The following CDC42BPA variants were observed in gnomAD, a reference collection of about 807,000 sequenced individuals.
The protein encoded by CDC42BPA is serine/threonine-protein kinase MRCK alpha.
CDC42BPA carries 80 observed loss-of-function variants against 223.5 expected under a neutral mutation model. The observed-to-expected ratio is 0.36, with a 90% CI of 0.30 to 0.43. CDC42BPA has a LOEUF of 0.43. Ranked by LOEUF, CDC42BPA falls within the 20% of genes least tolerant of loss-of-function variation. CDC42BPA has a pLI of 1.00. For missense variants in CDC42BPA, 1,743 were observed against 2,099.9 expected, an observed-to-expected ratio of 0.83 and a Z score of 3.32; for synonymous variants, 694 against 718.6, an observed-to-expected ratio of 0.97 and a Z score of 0.55.
chr1:227,212,174 T>G (rs1172514993), intron 3 of CDC42BPA, among the ~76,000 whole-genome samples: 1 of 152,072 alleles, frequency 6.6e-6, no homozygotes, highest in Non-Finnish European at 1.5e-5. Context: ...ACAAAAGTGA[T>G]TATTAGTTTC....
chr1:227,298,855 G>T (rs1293270444), intron 1 of CDC42BPA, among the ~76,000 whole-genome samples: 2 of 152,172 alleles, frequency 1.3e-5, no homozygotes, highest in East Asian at 3.9e-4. Context: ...CCATAAAAAA[G>T]GAAAATTAAT....
chr1:227,228,976 T>C lies in CDC42BPA; in HGVS notation c.271-15757A>G, dbSNP rs184795780. Among the ~76,000 whole-genome samples, 104 of 152,304 alleles carry C rather than the reference T, an allele frequency of 6.8e-4. 1 individual carries two copies. Among genetic ancestry groups the C allele is most frequent in the African/African-American group, 2.0e-3 (85 of 41,572 alleles). On this transcript the variant is annotated intron_variant, in intron 2 of 36. Transcript: ENST00000366766. ...TTTCTCCCACCCTGTGAGTTGTCTTTTTCCTTCCCTGATGGTGTTTTTTGG... is the reference window on the plus strand; with the variant it reads ...TTTCTCCCACCCTGTGAGTTGTCTTCTTCCTTCCCTGATGGTGTTTTTTGG...
chr1:227,290,963 C>CT (rs1689590824), intron 1 of CDC42BPA, among the ~76,000 whole-genome samples: 1 of 152,182 alleles, frequency 6.6e-6, no homozygotes, highest in African/African-American at 2.4e-5. Flanking sequence ...TGTTTGTTGT[C>CT]TAGACAGAAT....
intron 5 of CDC42BPA, among the ~76,000 whole-genome samples, chr1:227,188,965 T>C (rs1035566950): frequency 2.0e-5 from 3 of 151,960 alleles, no homozygotes; most frequent in East Asian, 1.9e-4. Context: ...CGGGAGTAGA[T>C]ATAAGGGGAA....
chr1:227,154,749 T>G (rs1268406677), intron 6 of CDC42BPA, among the ~76,000 whole-genome samples: 1 of 151,992 alleles, frequency 6.6e-6, no homozygotes, highest in Non-Finnish European at 1.5e-5. Context: ...AACACAACAT[T>G]CATAGATGAG....
At chr1:227,068,653 C>A in intron 21 of CDC42BPA, 2 of 1,190,342 alleles carry the variant, frequency 1.7e-6, no homozygotes, top group Non-Finnish European at 2.2e-6. Flanking sequence ...CAAAGACTTA[C>A]GTCATCCAAA....
intron 10 of CDC42BPA, among the ~76,000 whole-genome samples, chr1:227,138,843 G>A (rs1659149738): frequency 6.6e-6 from 1 of 152,172 alleles, no homozygotes; most frequent in East Asian, 1.9e-4. Context: ...TAGATTTGAA[G>A]GTATATGCCA....
intron 2 of CDC42BPA, among the ~76,000 whole-genome samples, chr1:227,246,046 C>T (rs1411520605): frequency 2.6e-5 from 4 of 152,258 alleles, no homozygotes; most frequent in African/African-American, 7.2e-5. Context: ...ATTTCTGGAC[C>T]GGCTCTGGGC....
chr1:227,005,245 G>A (rs1663770908), intron 34 of CDC42BPA, 134 bp from the exon 35 acceptor site: 3 of 661,086 alleles, frequency 4.5e-6, no homozygotes, highest in African/African-American at 1.8e-5. Flanking sequence ...AGGAATGGCA[G>A]ATTATATAGT....
intron 1 of CDC42BPA, among the ~76,000 whole-genome samples, chr1:227,300,481 T>C (rs1572949609): frequency 6.6e-6 from 1 of 152,202 alleles, no homozygotes; most frequent in Admixed American, 6.5e-5. Context: ...TACCATGGAA[T>C]ACTACTCAGC....
At chr1:227,239,673 G>C (rs1679688711) in intron 2 of CDC42BPA, among the ~76,000 whole-genome samples, 1 of 152,080 alleles carries the variant, frequency 6.6e-6, no homozygotes, top group South Asian at 2.1e-4. Flanking sequence ...AATAGATACA[G>C]AAAAAGCATA....
chr1:227,278,109 AG>A (rs1247503583), intron 1 of CDC42BPA, among the ~76,000 whole-genome samples: 3 of 152,348 alleles, frequency 2.0e-5, no homozygotes, highest in African/African-American at 7.2e-5. Flanking sequence ...GATTCAAACT[AG>A]GCCACTAAGA....
intron 14 of CDC42BPA, among the ~76,000 whole-genome samples, chr1:227,104,076 A>G (rs1218932655): frequency 1.3e-5 from 2 of 152,142 alleles, no homozygotes; most frequent in Admixed American, 1.3e-4. Flanking sequence ...AATTGGTAAG[A>G]AAAACATTAA....
chr1:226,997,191 GTA>G (rs1441468342), intron 35 of CDC42BPA, among the ~76,000 whole-genome samples: 1 of 152,188 alleles, frequency 6.6e-6, no homozygotes, highest in African/African-American at 2.4e-5. Context: ...TTGGGAAGGT[GTA>G]TGTGTCCAGG....
rs758430450 is a variant in CDC42BPA at position 227,074,340 on chromosome 1, T to C, written c.2505A>G (p.Arg835=). 56 of 1,613,248 alleles carry C rather than the reference T, an allele frequency of 3.5e-5. No homozygotes were observed. In the Admixed American group the frequency reaches 8.3e-4, roughly 24 times the overall value. ...TAGAAGCTAAGGCCTGAAGATACCC[T>C]CGTGCATCCTTTTCATCGCTGACCC... ...IQWVSDEKDA[R]GYLQALASKM... The change falls in exon 18 of 37, where the codon CGA becomes CGG. Residue 835 remains arginine (R), a synonymous_variant. Coordinates refer to ENST00000366766, the MANE Select transcript of CDC42BPA (RefSeq NM_001394014.1).
intron 22 of CDC42BPA, among the ~76,000 whole-genome samples, chr1:227,049,164 A>G (rs1411815408): frequency 2.0e-5 from 3 of 152,068 alleles, no homozygotes; most frequent in Non-Finnish European, 4.4e-5. Context: ...AATCTATACA[A>G]AAGTTAATAA....
intron 1 of CDC42BPA, among the ~76,000 whole-genome samples, chr1:227,314,751 T>TGGTGGCGCGCGCCTG (rs770546467): frequency 1.9e-4 from 23 of 121,402 alleles, no homozygotes; most frequent in African/African-American, 4.0e-4. Flanking sequence ...CAAATAGTCT[T>TGGTGGCGCGCGCCTG]TTAAAGATTT....
At chr1:227,065,934 A>G (rs1275270561) in intron 21 of CDC42BPA, among the ~76,000 whole-genome samples, 2 of 152,208 alleles carry the variant, frequency 1.3e-5, no homozygotes, top group East Asian at 1.9e-4. Context: ...TAGGTCTTCA[A>G]CATAATCTCC....
intron 15 of CDC42BPA, among the ~76,000 whole-genome samples, chr1:227,094,121 T>C (rs1330161275): frequency 1.3e-5 from 2 of 152,216 alleles, no homozygotes; most frequent in African/African-American, 4.8e-5. Flanking sequence ...TTAAAGCATT[T>C]TGGCAATTTA....
Sources: gnomAD v4.1 joint callset for allele counts (sites outside exome capture counted in the v4.1 genomes callset) on GRCh38, gnomAD v4.1.1 for gene constraint, MANE v1.5 for transcripts, NCBI Gene and HGNC (gene_info 2026-07-23, HGNC 2026-07-21) for gene names.